KCNIP4: variants seen among roughly 807,000 people sequenced by gnomAD.
KCNIP4 encodes Kv channel-interacting protein 4.
KCNIP4 carries 12 observed loss-of-function variants against 34.0 expected under a neutral mutation model. The ratio of observed to expected loss-of-function variants is 0.35; its 90% CI spans 0.23 to 0.57. KCNIP4 has a LOEUF of 0.57. Among genes scored for constraint, KCNIP4 ranks in the 20% least tolerant of loss-of-function variants. The pLI is 0.83. For synonymous variants in KCNIP4, 124 were observed against 102.2 expected, an observed-to-expected ratio of 1.21 and a Z score of -1.29; for missense variants, 238 against 311.7, an observed-to-expected ratio of 0.76 and a Z score of 1.78.
intron 1 of KCNIP4, among the ~76,000 whole-genome samples, chr4:20,936,941 G>T (rs1177350841): frequency 6.6e-6 from 1 of 152,068 alleles, no homozygotes; most frequent in Non-Finnish European, 1.5e-5. Context: ...ACTGTCTAGG[G>T]CATGATCTCA....
In KCNIP4 at chr4:21,057,593, A is replaced by G. The variant is rs7662305; in HGVS notation, c.62-174884T>C. On this transcript the variant is annotated intron_variant, in intron 1 of 8. Coordinates refer to ENST00000382152, the MANE Select transcript of KCNIP4 (RefSeq NM_025221.6). Reference sequence around the variant, plus strand: ...AATTACACTCAGTGAGAGTCGAACAATAGTGTCTCCATTTGAAACAGACTT... The same window carrying G: ...AATTACACTCAGTGAGAGTCGAACAGTAGTGTCTCCATTTGAAACAGACTT... Among the ~76,000 whole-genome samples, 736 of 152,320 alleles carry G rather than the reference A, an allele frequency of 4.8e-3. 4 individuals carry two copies. Among genetic ancestry groups the G allele is most frequent in the African/African-American group, 0.016 (670 of 41,588 alleles).
At chr4:20,896,087 G>T (rs1266913619) in intron 1 of KCNIP4, among the ~76,000 whole-genome samples, 1 of 152,100 alleles carries the variant, frequency 6.6e-6, no homozygotes, top group Non-Finnish European at 1.5e-5. Context: ...GGATGGTCTG[G>T]CAACCTTTTG....
intron 3 of KCNIP4, among the ~76,000 whole-genome samples, chr4:20,839,061 T>C (rs896059384): frequency 2.0e-5 from 3 of 152,138 alleles, no homozygotes; most frequent in Non-Finnish European, 2.9e-5. Flanking sequence ...AGAATAAAAG[T>C]AACCACAATA....
At chr4:21,388,190 C>T (rs1291961065) in intron 1 of KCNIP4, among the ~76,000 whole-genome samples, 1 of 150,008 alleles carries the variant, frequency 6.7e-6, no homozygotes, top group African/African-American at 2.5e-5. Context: ...TAACGGATTA[C>T]CATCACTAAA....
intron 1 of KCNIP4, among the ~76,000 whole-genome samples, chr4:21,143,616 T>C (rs963091080): frequency 1.3e-5 from 2 of 152,188 alleles, no homozygotes; most frequent in Non-Finnish European, 2.9e-5. Flanking sequence ...GCCACTAACT[T>C]TATGGTTATT....
chr4:21,473,620 A>C (rs1730653082), intron 1 of KCNIP4, among the ~76,000 whole-genome samples: 1 of 152,224 alleles, frequency 6.6e-6, no homozygotes, highest in Admixed American at 6.5e-5. Context: ...TTCAGTGAGC[A>C]CAAGAAAACT....
At chr4:21,685,164 G>A (rs1750710238) in intron 1 of KCNIP4, among the ~76,000 whole-genome samples, 1 of 152,056 alleles carries the variant, frequency 6.6e-6, no homozygotes, top group Non-Finnish European at 1.5e-5. Flanking sequence ...AAAATCAATA[G>A]AAAGTGAACA....
rs397992488 is a variant in KCNIP4 at position 20,937,222 on chromosome 4, C to CTTTTTTTTTTTTTTTTTTTTTTTTT, written c.62-54538_62-54514dup. Among the ~76,000 whole-genome samples the CTTTTTTTTTTTTTTTTTTTTTTTTT allele has an allele frequency of 1.3e-4, 6 of 45,530 alleles. 1 individual carries two copies. The highest frequency in any genetic ancestry group is 1.7e-4 in the Non-Finnish European group (4 of 23,516). The allele number at this position is 45,530 out of a possible 152,430, so 29.9% of individuals were successfully genotyped here. On this transcript the variant is annotated intron_variant, in intron 1 of 8. Transcript: ENST00000382152. ...TGAGCAAAAGGTGCCCCCAAGGAGT[C>CTTTTTTTTTTTTTTTTTTTTTTTTT]TTTTTTTTTTTTTTTTTTTTTTTTT...
chr4:21,600,399 G>A (rs371147036), intron 1 of KCNIP4, among the ~76,000 whole-genome samples: 2 of 151,932 alleles, frequency 1.3e-5, no homozygotes, highest in East Asian at 3.9e-4. Context: ...CATATTTTGG[G>A]GGTACACGTG....
At chr4:21,094,279 G>A (rs1747273677) in intron 1 of KCNIP4, among the ~76,000 whole-genome samples, 1 of 152,062 alleles carries the variant, frequency 6.6e-6, no homozygotes, top group Admixed American at 6.6e-5. Flanking sequence ...AAAGGTAGTG[G>A]CAGATTCAAC....
At chr4:21,510,219 A>AT (rs2109918327) in intron 1 of KCNIP4, among the ~76,000 whole-genome samples, 1 of 152,264 alleles carries the variant, frequency 6.6e-6, no homozygotes, top group Non-Finnish European at 1.5e-5. Context: ...AAAAAAACTC[A>AT]TTGGATTCCT....
intron 1 of KCNIP4, among the ~76,000 whole-genome samples, chr4:21,077,683 T>G (rs905454443): frequency 1.3e-5 from 2 of 152,150 alleles, no homozygotes; most frequent in Non-Finnish European, 2.9e-5. Context: ...CTTGCAAGAA[T>G]TAATTAGCTC....
intron 3 of KCNIP4, among the ~76,000 whole-genome samples, chr4:20,838,595 C>G (rs367910576): frequency 1.3e-5 from 2 of 152,130 alleles, no homozygotes; most frequent in Non-Finnish European, 2.9e-5. Context: ...ATCTTTAAAT[C>G]CAGACTCACT....
At chr4:21,339,792 TG>T (rs1229131345) in intron 1 of KCNIP4, among the ~76,000 whole-genome samples, 1 of 152,184 alleles carries the variant, frequency 6.6e-6, no homozygotes, top group African/African-American at 2.4e-5. Context: ...TCATGTATGT[TG>T]AGTTTGACAT....
chr4:21,605,052 T>C (rs1743527352), intron 1 of KCNIP4, among the ~76,000 whole-genome samples: 1 of 152,144 alleles, frequency 6.6e-6, no homozygotes, highest in African/African-American at 2.4e-5. Flanking sequence ...CAAGTCTTCT[T>C]TGGTGGGATT....
chr4:21,269,824 A>T (rs775898557), intron 1 of KCNIP4, among the ~76,000 whole-genome samples: 41 of 152,188 alleles, frequency 2.7e-4, no homozygotes, highest in Non-Finnish European at 5.0e-4. Context: ...GCATAGAAAG[A>T]ACAGGGACTC....
chr4:21,556,920 C>CAAAAAAAAAAAAAAAAAACA (rs1281543089), intron 1 of KCNIP4, among the ~76,000 whole-genome samples: 1 of 35,644 alleles, frequency 2.8e-5, no homozygotes, highest in African/African-American at 1.0e-4. Context: ...GACTCCATCT[C>CAAAAAAAAAAAAAAAAAACA]AGAAAAAAAA....
At chr4:20,792,210 C>T (rs1006847246) in intron 3 of KCNIP4, among the ~76,000 whole-genome samples, 1 of 152,016 alleles carries the variant, frequency 6.6e-6, no homozygotes. Flanking sequence ...TCTGTCTCTA[C>T]TAAAAATACA....
At chr4:21,575,048 T>A (rs545083196) in intron 1 of KCNIP4, among the ~76,000 whole-genome samples, 16 of 152,330 alleles carry the variant, frequency 1.1e-4, no homozygotes, top group Admixed American at 2.6e-4. Context: ...TTTGTCAACA[T>A]ATTTTCTAGA....
Sources: gnomAD v4.1 joint callset for allele counts (sites outside exome capture counted in the v4.1 genomes callset) on GRCh38, gnomAD v4.1.1 for gene constraint, MANE v1.5 for transcripts, NCBI Gene and HGNC (gene_info 2026-07-23, HGNC 2026-07-21) for gene names.